The following UBE2E2 variants were observed in gnomAD, a reference collection of about 807,000 sequenced individuals.
UBE2E2 encodes ubiquitin-conjugating enzyme E2 E2.
UBE2E2 carries 6 observed loss-of-function variants against 24.7 expected under a neutral mutation model. That is an observed-to-expected ratio of 0.24 (90% CI 0.13 to 0.48). The LOEUF (loss-of-function observed/expected upper bound fraction) is 0.48. Among genes scored for constraint, UBE2E2 ranks in the 20% least tolerant of loss-of-function variants. The pLI is 0.99. For missense variants in UBE2E2, 169 were observed against 245.0 expected, an observed-to-expected ratio of 0.69 and a Z score of 2.07; for synonymous variants, 104 against 83.6, an observed-to-expected ratio of 1.24 and a Z score of -1.33.
chr3:23,239,401 A>T (rs1005236800), intron 3 of UBE2E2, among the ~76,000 whole-genome samples: 3 of 152,138 alleles, frequency 2.0e-5, no homozygotes, highest in Non-Finnish European at 4.4e-5. Context: ...TCATCATCCT[A>T]GAAAGGAACC....
intron 3 of UBE2E2, among the ~76,000 whole-genome samples, chr3:23,344,250 G>A (rs892301775): frequency 2.0e-5 from 3 of 151,924 alleles, no homozygotes; most frequent in Non-Finnish European, 4.4e-5. Context: ...CCTTCATACT[G>A]AGGTCTCAGT....
Position 23,233,192 on chromosome 3 carries a change from G to A in UBE2E2, c.227+15880G>A, listed in dbSNP as rs143891813. 5.8e-4 allele frequency among the ~76,000 whole-genome samples: 88 copies of A among 152,318 alleles called. 3 individuals are homozygous for A. The East Asian group carries it at 0.016, about 27-fold the overall frequency. On this transcript the variant is annotated intron_variant, in intron 3 of 5. Transcript: ENST00000396703. Reference sequence around the variant, plus strand: ...TTAGAAAATGTGAGAAAGTAGGACTGTAAGAGTTTGAGAATCAGGCTCCCT... The same window carrying A: ...TTAGAAAATGTGAGAAAGTAGGACTATAAGAGTTTGAGAATCAGGCTCCCT...
At chr3:23,444,638 C>G (rs752783912) in intron 3 of UBE2E2, among the ~76,000 whole-genome samples, 1 of 152,134 alleles carries the variant, frequency 6.6e-6, no homozygotes, top group African/African-American at 2.4e-5. Flanking sequence ...TATACCATAC[C>G]CTGGAGGGCA....
chr3:23,330,479 T>C (rs1695031211), intron 3 of UBE2E2, among the ~76,000 whole-genome samples: 1 of 152,190 alleles, frequency 6.6e-6, no homozygotes, highest in South Asian at 2.1e-4. Context: ...CTTTGACACA[T>C]AAGTACAAGA....
intron 3 of UBE2E2, among the ~76,000 whole-genome samples, chr3:23,460,876 A>G (rs973083221): frequency 6.6e-6 from 1 of 152,198 alleles, no homozygotes; most frequent in African/African-American, 2.4e-5. Context: ...CCATGTATGT[A>G]TGTTTATATG....
chr3:23,394,341 A>G (rs1030643983), intron 3 of UBE2E2, among the ~76,000 whole-genome samples: 1 of 152,196 alleles, frequency 6.6e-6, no homozygotes, highest in East Asian at 1.9e-4. Flanking sequence ...AAAATATTGT[A>G]TATTTTTACG....
rs575020521 is a variant in UBE2E2 at position 23,226,813 on chromosome 3, G to C, written c.227+9501G>C. Among the ~76,000 whole-genome samples, 6 of 152,178 alleles carry C rather than the reference G, an allele frequency of 3.9e-5. No homozygotes were observed. In the South Asian group the frequency reaches 1.2e-3, roughly 32 times the overall value. ...AGGTTTAAATACTGAGTAAAAGAGA[G>C]TGAAATTGAAGTTTTGATTTAAAAA... On this transcript the variant is annotated intron_variant, in intron 3 of 5. Coordinates refer to ENST00000396703, the MANE Select transcript of UBE2E2 (RefSeq NM_152653.4).
chr3:23,272,349 G>A (rs1403754165), intron 3 of UBE2E2, among the ~76,000 whole-genome samples: 2 of 152,014 alleles, frequency 1.3e-5, no homozygotes, highest in African/African-American at 4.8e-5. Flanking sequence ...TGGCCCAAGA[G>A]CAACGCACGC....
intron 3 of UBE2E2, among the ~76,000 whole-genome samples, chr3:23,403,824 A>T (rs1559373726): frequency 6.6e-6 from 1 of 152,074 alleles, no homozygotes; most frequent in Non-Finnish European, 1.5e-5. Flanking sequence ...AAAAAAAAAA[A>T]AAGCCATTGT....
chr3:23,560,084 A>G lies in UBE2E2; in HGVS notation c.508+27383A>G, dbSNP rs552243784. ...TATATGTATTTTTTTATTTTATTTTAAGTTCTAGGGTACATGTGCACAACG... is the reference window on the plus strand; with the variant it reads ...TATATGTATTTTTTTATTTTATTTTGAGTTCTAGGGTACATGTGCACAACG... On this transcript the variant is annotated intron_variant, in intron 5 of 5. Coordinates refer to ENST00000396703, the MANE Select transcript of UBE2E2 (RefSeq NM_152653.4). Among the ~76,000 whole-genome samples the G allele has an allele frequency of 5.3e-5, 8 of 152,116 alleles. No homozygotes were observed. In the East Asian group the frequency reaches 1.5e-3, roughly 29 times the overall value.
intron 5 of UBE2E2, among the ~76,000 whole-genome samples, chr3:23,575,109 C>G (rs187742762): frequency 6.6e-6 from 1 of 152,188 alleles, no homozygotes; most frequent in African/African-American, 2.4e-5. Flanking sequence ...CTGCTCTTCT[C>G]TCTCATTTTG....
chr3:23,228,209 A>C (rs1402752705), intron 3 of UBE2E2, among the ~76,000 whole-genome samples: 1 of 152,208 alleles, frequency 6.6e-6, no homozygotes, highest in East Asian at 1.9e-4. Context: ...GTTGAATGGT[A>C]AAGTGAGTTT....
intron 1 of UBE2E2, among the ~76,000 whole-genome samples, chr3:23,207,441 AT>A (rs1288745206): frequency 8.6e-5 from 13 of 151,004 alleles, no homozygotes; most frequent in African/African-American, 2.4e-5. Context: ...AAAAAAAAAA[AT>A]CTTCAGTGTC....
chr3:23,344,793 A>C (rs1465424625), intron 3 of UBE2E2, among the ~76,000 whole-genome samples: 1 of 151,048 alleles, frequency 6.6e-6, no homozygotes, highest in East Asian at 1.9e-4. Context: ...GATTGTGCCC[A>C]GGTGACAGAG....
intron 3 of UBE2E2, among the ~76,000 whole-genome samples, chr3:23,253,705 A>G (rs1334309663): frequency 6.6e-6 from 1 of 152,182 alleles, no homozygotes; most frequent in Non-Finnish European, 1.5e-5. Flanking sequence ...GTGAAGAGAA[A>G]TAGCTGAGTA....
chr3:23,405,815 AT>A (rs1697342929), intron 3 of UBE2E2, among the ~76,000 whole-genome samples: 2 of 152,204 alleles, frequency 1.3e-5, no homozygotes, highest in African/African-American at 4.8e-5. Context: ...GCATTCCCAA[AT>A]TTGCATAATT....
At chr3:23,203,144 C>G (rs941586278), upstream of UBE2E2, 67 of 984,848 alleles carry the variant, frequency 6.8e-5, no homozygotes, top group Non-Finnish European at 8.0e-5. Context: ...GGCGGCGGCT[C>G]CCGGAGGTGG....
At chr3:23,332,253 C>T (rs1695077977) in intron 3 of UBE2E2, among the ~76,000 whole-genome samples, 1 of 152,084 alleles carries the variant, frequency 6.6e-6, no homozygotes, top group Non-Finnish European at 1.5e-5. Context: ...ATCGATCCTC[C>T]TACCTCATCC....
intron 3 of UBE2E2, among the ~76,000 whole-genome samples, chr3:23,256,960 T>C (rs1397515485): frequency 2.6e-5 from 4 of 152,236 alleles, no homozygotes; most frequent in Admixed American, 6.5e-5. Flanking sequence ...CAGGCACTTA[T>C]GTAAGAATAG....
Sources: allele counts gnomAD v4.1 joint callset (sites outside exome capture counted in the v4.1 genomes callset), GRCh38; gene constraint gnomAD v4.1.1; transcripts MANE v1.5; gene names NCBI Gene and HGNC (gene_info 2026-07-23, HGNC 2026-07-21).